CCDC3: variants seen among roughly 807,000 people sequenced by gnomAD.
The protein encoded by CCDC3 is coiled-coil domain containing 3, also known as coiled-coil domain-containing protein 3.
In CCDC3, 24 loss-of-function variants were observed where a neutral mutation model predicts 21.4. The observed-to-expected ratio is 1.12, with a 90% CI of 0.81 to 1.58. CCDC3 has a LOEUF of 1.58. CCDC3 is among the 40% of genes most tolerant of loss of function. CCDC3 has a pLI of 0.00. For missense variants in CCDC3, 425 were observed against 360.9 expected (o/e 1.18, Z -1.44); for synonymous variants, 186 against 166.0 (o/e 1.12, Z -0.93).
intron 2 of CCDC3, among the ~76,000 whole-genome samples, chr10:12,963,195 T>C (rs1490113443): frequency 6.6e-6 from 1 of 152,220 alleles, no homozygotes; most frequent in African/African-American, 2.4e-5. Context: ...TTTAGAAGGC[T>C]GCTTTACCTC....
chr10:12,994,818 C>T (rs1351980286), intron 2 of CCDC3, among the ~76,000 whole-genome samples: 5 of 151,916 alleles, frequency 3.3e-5, no homozygotes, highest in African/African-American at 4.8e-5. Context: ...CGGTGGCTCA[C>T]GCCTGTAATC....
intron 3 of CCDC3, among the ~76,000 whole-genome samples, chr10:13,085,244 C>T (rs1165632289): frequency 5.9e-5 from 9 of 152,260 alleles, no homozygotes; most frequent in South Asian, 4.2e-4. Flanking sequence ...CTGTTGTGTG[C>T]GCACCCCAGA....
intron 5 of CCDC3, among the ~76,000 whole-genome samples, chr10:13,023,919 T>C (rs1433801448): frequency 6.6e-6 from 1 of 152,086 alleles, no homozygotes; most frequent in Admixed American, 6.6e-5. Context: ...AAACCTGCAA[T>C]AGACATTCCT....
At chr10:12,970,540 T>G (rs1409134779) in intron 2 of CCDC3, among the ~76,000 whole-genome samples, 1 of 152,206 alleles carries the variant, frequency 6.6e-6, no homozygotes, top group Non-Finnish European at 1.5e-5. Flanking sequence ...AAAATCATAC[T>G]GTACACAATA....
chr10:12,926,829 C>G (rs1211150874), intron 2 of CCDC3, among the ~76,000 whole-genome samples: 3 of 152,080 alleles, frequency 2.0e-5, no homozygotes, highest in Non-Finnish European at 4.4e-5. Context: ...TTAAGTATTA[C>G]TAGAGATAAC....
At chr10:12,929,987 A>C (rs907943925) in intron 2 of CCDC3, among the ~76,000 whole-genome samples, 6 of 152,180 alleles carry the variant, frequency 3.9e-5, no homozygotes, top group Non-Finnish European at 7.3e-5. Context: ...TGGCCATTGA[A>C]ATTTTTTTAT....
At chr10:12,983,109 T>A in intron 2 of CCDC3, among the ~76,000 whole-genome samples, 1 of 130,254 alleles carries the variant, frequency 7.7e-6, no homozygotes, top group African/African-American at 2.9e-5. Context: ...TCTCAAAAAA[T>A]AAATAAATAA....
At chr10:12,967,092 C>T (rs1341602674) in intron 2 of CCDC3, among the ~76,000 whole-genome samples, 1 of 152,184 alleles carries the variant, frequency 6.6e-6, no homozygotes, top group African/African-American at 2.4e-5. Context: ...AGCTGTGAAA[C>T]CATGCCCCTC....
At chr10:13,027,653 G>C (rs1223121334) in intron 5 of CCDC3, among the ~76,000 whole-genome samples, 1 of 150,738 alleles carries the variant, frequency 6.6e-6, no homozygotes, top group African/African-American at 2.4e-5. Flanking sequence ...TGAGGCTGCA[G>C]TGAGATGTGA....
At chr10:13,034,870 C>CA (rs1247866237) in intron 5 of CCDC3, among the ~76,000 whole-genome samples, 1 of 151,764 alleles carries the variant, frequency 6.6e-6, no homozygotes, top group Non-Finnish European at 1.5e-5. Context: ...ACTAAAAATA[C>CA]AAAAAATTAG....
At chr10:13,090,069 A>C (rs1374870318) in intron 3 of CCDC3, among the ~76,000 whole-genome samples, 7 of 39,996 alleles carry the variant, frequency 1.8e-4, no homozygotes, top group African/African-American at 5.8e-4. Context: ...ATATATATAT[A>C]TATATATATC....
intron 2 of CCDC3, among the ~76,000 whole-genome samples, chr10:12,980,162 G>C (rs761215654): frequency 6.6e-6 from 1 of 152,182 alleles, no homozygotes; most frequent in Admixed American, 6.5e-5. Context: ...AAGTACGTCG[G>C]GTGATCTCTG....
At chr10:13,085,845 T>C (rs1459837625) in intron 3 of CCDC3, among the ~76,000 whole-genome samples, 3 of 152,004 alleles carry the variant, frequency 2.0e-5, no homozygotes, top group Non-Finnish European at 2.9e-5. Context: ...TAGATGCCTG[T>C]AATCCCAGCT....
chr10:13,070,072 C>G (rs1350209743), intron 4 of CCDC3, among the ~76,000 whole-genome samples: 1 of 151,246 alleles, frequency 6.6e-6, no homozygotes, highest in Non-Finnish European at 1.5e-5. Context: ...CAAGAGTTAA[C>G]TGAACGGTCT....
At chr10:13,065,595 T>C (rs1836811950) in intron 4 of CCDC3, among the ~76,000 whole-genome samples, 1 of 152,242 alleles carries the variant, frequency 6.6e-6, no homozygotes, top group African/African-American at 2.4e-5. Flanking sequence ...ATGAAGCTAA[T>C]GCTGTTTCCT....
chr10:13,040,752 T>C (rs1836443698), intron 5 of CCDC3, among the ~76,000 whole-genome samples: 1 of 148,534 alleles, frequency 6.7e-6, no homozygotes, highest in Admixed American at 6.7e-5. Flanking sequence ...AGCCAACCAA[T>C]GAGGACAGGT....
chr10:13,019,995 T>C (rs564999218), intron 5 of CCDC3, among the ~76,000 whole-genome samples: 1 of 152,302 alleles, frequency 6.6e-6, no homozygotes, highest in South Asian at 2.1e-4. Flanking sequence ...AAACTCCTTC[T>C]AAAATAAATA....
intron 2 of CCDC3, among the ~76,000 whole-genome samples, chr10:12,967,542 T>C (rs1349543159): frequency 6.6e-6 from 1 of 151,756 alleles, no homozygotes; most frequent in African/African-American, 2.4e-5. Flanking sequence ...CAATAGAAAA[T>C]ATCAACAGCA....
At chr10:13,054,154 C>CAAAAAAAAA (rs71386143) in intron 4 of CCDC3, among the ~76,000 whole-genome samples, 117 of 99,850 alleles carry the variant, frequency 1.2e-3, no homozygotes, top group East Asian at 3.3e-3. Flanking sequence ...GACTCTGTAT[C>CAAAAAAAAA]AAAAAAAAAA....
Sources: gnomAD v4.1 joint callset for allele counts (sites outside exome capture counted in the v4.1 genomes callset) on GRCh38, gnomAD v4.1.1 for gene constraint, MANE v1.5 for transcripts, NCBI Gene and HGNC (gene_info 2026-07-23, HGNC 2026-07-21) for gene names.